EYA3: variants seen among roughly 807,000 people sequenced by gnomAD.
The protein encoded by EYA3 is protein phosphatase EYA3.
EYA3 carries 39 observed loss-of-function variants against 80.0 expected under a neutral mutation model. The ratio of observed to expected loss-of-function variants is 0.49; its 90% CI spans 0.38 to 0.64. EYA3 has a LOEUF of 0.64. Among genes scored for constraint, EYA3 ranks in the 30% least tolerant of loss-of-function variants. The pLI, the probability that EYA3 is intolerant of heterozygous loss-of-function variation, is 0.00. For synonymous variants in EYA3, 206 were observed against 232.8 expected (o/e 0.88, Z 1.05); for missense variants, 523 against 676.1 (o/e 0.77, Z 2.51).
chr1:28,005,867 G>C (rs550643193), intron 10 of EYA3, among the ~76,000 whole-genome samples: 1 of 152,258 alleles, frequency 6.6e-6, no homozygotes, highest in Non-Finnish European at 1.5e-5. Context: ...CACTTTGTGA[G>C]GCCAAGGCAG....
At chr1:28,004,133 A>C (rs558946693) in intron 11 of EYA3, among the ~76,000 whole-genome samples, 4 of 152,314 alleles carry the variant, frequency 2.6e-5, no homozygotes, top group Admixed American at 6.5e-5. Context: ...AGTAGTTTCT[A>C]ACTTTACCAC....
chr1:27,983,397 T>A (rs1476340811), intron 16 of EYA3, among the ~76,000 whole-genome samples: 1 of 152,228 alleles, frequency 6.6e-6, no homozygotes, highest in Non-Finnish European at 1.5e-5. Flanking sequence ...CCATTTTCAA[T>A]CCCACTTGCA....
rs373754057 is a variant in EYA3, at chr1:28,005,722, A to C, written c.910-1303T>G. Reference sequence around the variant, plus strand: ...GAAGTGAGAACCTGTCTCAAAAAAAACCCAAAAAACAAAAAACCCCCAAAA... The same window carrying C: ...GAAGTGAGAACCTGTCTCAAAAAAACCCCAAAAAACAAAAAACCCCCAAAA... On this transcript the variant is annotated intron_variant, in intron 10 of 17. Coordinates refer to ENST00000373871, the MANE Select transcript of EYA3 (RefSeq NM_001990.4). 3.2e-3 allele frequency among the ~76,000 whole-genome samples: 484 copies of C among 151,662 alleles called. 1 individual carries two copies. Among genetic ancestry groups the C allele is most frequent in the African/African-American group, 0.011 (463 of 41,392 alleles).
At chr1:27,987,856 T>C (rs1327901896) in intron 16 of EYA3, among the ~76,000 whole-genome samples, 2 of 152,088 alleles carry the variant, frequency 1.3e-5, no homozygotes, top group Non-Finnish European at 2.9e-5. Context: ...CCAGCTAATT[T>C]TTTGGTCAAT....
At chr1:28,003,032 G>A (rs1209865672) in intron 11 of EYA3, among the ~76,000 whole-genome samples, 2 of 150,926 alleles carry the variant, frequency 1.3e-5, no homozygotes, top group Non-Finnish European at 1.5e-5. Context: ...CGAGGTGGGC[G>A]GATCACGAGG....
chr1:27,989,944 A>G (rs919155272), intron 14 of EYA3, 133 bp from the exon 15 acceptor site: 4 of 426,924 alleles, frequency 9.4e-6, no homozygotes, highest in African/African-American at 4.2e-5. Context: ...ATATATATAT[A>G]TATACATATA....
rs544014610 is a variant in EYA3, at chr1:27,970,867, C to T, written c.*3599G>A. Reference sequence around the variant, plus strand: ...AAGCTCACCATTCCTTGGCCCAGACCATTGCTCTACCCCATACTCCTCTCC... The same window carrying T: ...AAGCTCACCATTCCTTGGCCCAGACTATTGCTCTACCCCATACTCCTCTCC... On this transcript the variant is annotated 3_prime_UTR_variant, in exon 18 of 18. Transcript: ENST00000373871. 1 of 152,356 alleles carries T rather than the reference C, an allele frequency of 6.6e-6. No homozygotes were observed. Among genetic ancestry groups the T allele is most frequent in the East Asian group, 1.9e-4 (1 of 5,184 alleles). The allele number at this position is 152,356 out of a possible 1,614,324, so 9.4% of individuals were successfully genotyped here.
At chr1:28,071,535 C>G (rs1294752356) in intron 1 of EYA3, among the ~76,000 whole-genome samples, 1 of 152,160 alleles carries the variant, frequency 6.6e-6, no homozygotes, top group Non-Finnish European at 1.5e-5. Flanking sequence ...ACTAAATGAT[C>G]AGAAATTTTT....
intron 16 of EYA3, among the ~76,000 whole-genome samples, chr1:27,987,360 C>T (rs774486915): frequency 2.0e-4 from 30 of 152,184 alleles, no homozygotes; most frequent in Non-Finnish European, 3.5e-4. Context: ...ATCCATTCAT[C>T]CACATTTGAC....
At chr1:28,081,354 T>C (rs1645422138) in intron 1 of EYA3, among the ~76,000 whole-genome samples, 1 of 152,166 alleles carries the variant, frequency 6.6e-6, no homozygotes. Context: ...TCCTAACCTA[T>C]AGCAGAAGAA....
intron 7 of EYA3, among the ~76,000 whole-genome samples, chr1:28,018,403 T>G (rs990090272): frequency 9.2e-5 from 14 of 152,164 alleles, no homozygotes; most frequent in Admixed American, 3.9e-4. Flanking sequence ...ATATTATCAG[T>G]ACTGTTCTCA....
chr1:27,989,849 A>C (rs1023058096), intron 14 of EYA3, 38 bp from the exon 15 acceptor site: 1 of 1,376,350 alleles, frequency 7.3e-7, no homozygotes. Context: ...TCATTTGACA[A>C]CATATATTTG....
At chr1:28,036,778 A>T (rs1643477432) in intron 5 of EYA3, among the ~76,000 whole-genome samples, 1 of 152,220 alleles carries the variant, frequency 6.6e-6, no homozygotes, top group Non-Finnish European at 1.5e-5. Flanking sequence ...CTGTATATAT[A>T]AGTAAAAAAG....
At chr1:28,050,192 TATTATTA>T (rs1557617217) in intron 2 of EYA3, among the ~76,000 whole-genome samples, 4 of 145,284 alleles carry the variant, frequency 2.8e-5, no homozygotes, top group African/African-American at 5.1e-5. Flanking sequence ...TTATTATTAT[TATTATTA>T]TTATTTTTTT....
intron 2 of EYA3, among the ~76,000 whole-genome samples, chr1:28,052,904 G>A (rs1183214636): frequency 2.6e-5 from 4 of 152,102 alleles, no homozygotes; most frequent in African/African-American, 4.8e-5. Context: ...TAGTGACACT[G>A]CACTCCAGCC....
Position 28,064,257 on chromosome 1 carries a change from T to C in EYA3, c.-68-6163A>G, listed in dbSNP as rs187475582. ...ATTTCAAATAATGTGTGCATACACG[T>C]ATATAAAAAACAACCCAGTGTATGA... On this transcript the variant is annotated intron_variant, in intron 1 of 17. Transcript: ENST00000373871. 1.8e-4 allele frequency among the ~76,000 whole-genome samples: 27 copies of C among 152,182 alleles called. No homozygotes were observed. In the East Asian group the frequency reaches 5.0e-3, roughly 28 times the overall value.
chr1:28,038,906 C>A lies in EYA3; in HGVS notation c.158-1G>T. On this transcript the variant is annotated splice_acceptor_variant, in intron 4 of 17. Transcript: ENST00000373871. LOFTEE classifies it high-confidence loss of function. ...GGGATGTAATCGGTGCATGTCATAACTGAAAGAAAGATAATATCACCAGGT... is the reference window on the plus strand; with the variant it reads ...GGGATGTAATCGGTGCATGTCATAAATGAAAGAAAGATAATATCACCAGGT... 6.3e-7 allele frequency: 1 copy of A among 1,587,430 alleles called. No homozygotes were observed. Among genetic ancestry groups the A allele is most frequent in the Non-Finnish European group, 8.6e-7 (1 of 1,163,096 alleles).
chr1:27,999,902 T>C lies in EYA3; in HGVS notation c.1083+58A>G, dbSNP rs1327340823. ...CTTCTAATATAATAAGCAAAAGCTC[T>C]AAATAGTTATTGAATGAAGTGTCTC... On this transcript the variant is annotated intron_variant, in intron 12 of 17. Transcript: ENST00000373871. 1.0e-5 allele frequency: 13 copies of C among 1,295,002 alleles called. 2 individuals carry two copies. The Admixed American group carries it at 2.0e-4, about 20-fold the overall frequency. The allele number at this position is 1,295,002 out of a possible 1,614,324, so 80.2% of individuals were successfully genotyped here.
intron 17 of EYA3, 46 bp from the exon 18 acceptor site, chr1:27,974,592 G>T: frequency 6.6e-7 from 1 of 1,523,010 alleles, no homozygotes. Flanking sequence ...TCTTCTGAGA[G>T]CTTATATAAA....
Sources: gnomAD v4.1 joint callset for allele counts (sites outside exome capture counted in the v4.1 genomes callset) on GRCh38, gnomAD v4.1.1 for gene constraint, MANE v1.5 for transcripts, NCBI Gene and HGNC (gene_info 2026-07-23, HGNC 2026-07-21) for gene names.